PYGM: variants seen among roughly 807,000 people sequenced by gnomAD.
PYGM encodes the protein glycogen phosphorylase, muscle associated, also known as glycogen phosphorylase, muscle form.
Under a neutral mutation model 99.3 loss-of-function variants are expected in PYGM, and 81 were observed. That is an observed-to-expected ratio of 0.82 (90% CI 0.68 to 0.98). PYGM has a LOEUF of 0.98. PYGM is among the 50% of genes least tolerant of loss of function. The probability of loss-of-function intolerance (pLI) is 0.00; values close to 1 mark genes in which losing one functional copy is unlikely to be tolerated. For synonymous variants in PYGM, 436 were observed against 451.5 expected (o/e 0.97, Z 0.44); for missense variants, 1,030 against 1,158.1 (o/e 0.89, Z 1.61).
intron 4 of PYGM, 97 bp from the exon 5 acceptor site, chr11:64,758,007 C>T: frequency 6.5e-7 from 1 of 1,550,122 alleles, no homozygotes; most frequent in Non-Finnish European, 8.8e-7. Context: ...GCCGGTGTAC[C>T]CTACACCAAG....
At chr11:64,751,526 A>C in intron 15 of PYGM, 60 bp from the exon 16 acceptor site, 10 of 1,614,024 alleles carry the variant, frequency 6.2e-6, no homozygotes, top group Non-Finnish European at 8.5e-6. Context: ...CTATCCTGCA[A>C]CTCAGCTGGG....
chr11:64,757,901 C>T lies in PYGM; in HGVS notation c.538G>A (p.Ala180Thr). Reference sequence around the variant, plus strand: ...TTGCCGTAGCGAAGCCAGTCATCGGCCTCCTCCATCTGCACCCAAGGCAGG... The same window carrying T: ...TTGCCGTAGCGAAGCCAGTCATCGGTCTCCTCCATCTGCACCCAAGGCAGG... ...KISGGWQMEE[A>T]DDWLRYGNPW... The change falls in exon 5 of 20, where the codon GCC becomes ACC. Residue 180 changes from alanine (A) to threonine (T), a missense_variant. Ala to Thr is a moderately conservative substitution (Grantham distance 58). Transcript: ENST00000164139. The T allele has an allele frequency of 6.2e-7, 1 of 1,614,048 alleles. No homozygotes were observed. The highest frequency in any genetic ancestry group is 8.5e-7 in the Non-Finnish European group (1 of 1,180,036).
At position 64,754,633 on chromosome 11, in the gene PYGM, G is replaced by T; in HGVS notation, c.999+60C>A. On this transcript the variant is annotated intron_variant, in intron 8 of 19. Coordinates refer to ENST00000164139, the MANE Select transcript of PYGM (RefSeq NM_005609.4). The surrounding 1 kb of genome is among the most constrained non-coding windows in gnomAD (Gnocchi z 5.5). ...TACATGGGGCAGGCAGGCCGAGGCT[G>T]GAGGGAGAGGCCTAGCACACACTGT... 1 of 1,597,786 alleles carries T rather than the reference G, an allele frequency of 6.3e-7. No individual in the cohort carries two copies. The highest frequency in any genetic ancestry group is 1.1e-5 in the South Asian group (1 of 89,562).
chr11:64,752,637 C>G (rs1179562631), intron 12 of PYGM, 133 bp from the exon 13 acceptor site: 2 of 900,996 alleles, frequency 2.2e-6, no homozygotes, highest in South Asian at 2.8e-5. Context: ...AGCCCCTCCT[C>G]CTCCAGCCGC....
intron 12 of PYGM, 91 bp downstream of exon 12, chr11:64,752,982 C>G: frequency 8.4e-7 from 1 of 1,193,100 alleles, no homozygotes; most frequent in Non-Finnish European, 1.3e-6. Flanking sequence ...CAGCTGGGAG[C>G]CCTGATGCAG....
In PYGM at chr11:64,747,490, C is replaced by A. The variant is rs576324291; in HGVS notation, c.2178-132G>T. Reference sequence around the variant, plus strand: ...CTGCTGCTCCCCAGGGCTGCCACATCGCCCCTGCAGGGCCTCCCTGCAACT... The same window carrying A: ...CTGCTGCTCCCCAGGGCTGCCACATAGCCCCTGCAGGGCCTCCCTGCAACT... On this transcript the variant is annotated intron_variant, in intron 17 of 19. Coordinates refer to ENST00000164139, the MANE Select transcript of PYGM (RefSeq NM_005609.4). 18 of 1,229,384 alleles carry A rather than the reference C, an allele frequency of 1.5e-5. 1 individual carries two copies. The African/African-American group carries it at 1.8e-4, about 12-fold the overall frequency. The allele number at this position is 1,229,384 out of a possible 1,614,324, so 76.2% of individuals were successfully genotyped here.
Position 64,750,589 on chromosome 11 carries a change from G to A in PYGM, c.1970-6C>T. ...GAGGTCTGCAGCTGGGATCACTGTG[G>A]GGTGGCAGCAGGGGGACAAGTCAAC... On this transcript the variant is annotated splice_polypyrimidine_tract_variant and splice_region_variant and intron_variant, in intron 16 of 19. Coordinates refer to ENST00000164139, the MANE Select transcript of PYGM (RefSeq NM_005609.4). 1 of 1,613,690 alleles carries A rather than the reference G, an allele frequency of 6.2e-7. No individual in the cohort carries two copies. Among genetic ancestry groups the A allele is most frequent in the African/African-American group, 1.3e-5 (1 of 74,980 alleles).
chr11:64,758,153 C>G (rs546341870), intron 4 of PYGM, 93 bp downstream of exon 4: 5 of 1,455,024 alleles, frequency 3.4e-6, no homozygotes, highest in Middle Eastern at 4.4e-4. Flanking sequence ...ACAGAGCTTG[C>G]GGGGCTGTTT....
chr11:64,747,044 T>C lies in PYGM; in HGVS notation c.2313-57A>G, dbSNP rs2058316598. On this transcript the variant is annotated intron_variant, in intron 18 of 19. Transcript: ENST00000164139. ...CTTTAGGGGGCTAGGATAAGTTCTA[T>C]GAGGTCAAGGGCCAAGCCTGCCCTG... is the stretch of plus-strand genomic sequence containing the variant. 7 of 1,600,100 alleles carry C rather than the reference T, an allele frequency of 4.4e-6. No homozygotes were observed. In the Admixed American group the frequency reaches 8.3e-5, roughly 19 times the overall value.
Position 64,755,175 on chromosome 11 carries a change from G to GTGTGT in PYGM, c.855+97_855+98insACACA, listed in dbSNP as rs1415408795. On this transcript the variant is annotated intron_variant, in intron 7 of 19. Transcript: ENST00000164139. This position sits in a 1 kb window ranked among gnomAD's most constrained non-coding sequence, Gnocchi z 4.1. ...GCACAAGGCCAGCAATATGCCCTGG[G>GTGTGT]TGTGACTAGGGCACCAGCAAGTGTC... The GTGTGT allele has an allele frequency of 2.3e-5, 30 of 1,325,622 alleles. No individual in the cohort carries two copies. The highest frequency in any genetic ancestry group is 3.1e-5 in the Non-Finnish European group (29 of 924,262). 82.1% of individuals were successfully genotyped at this position (1,325,622 alleles called of 1,614,324 possible).
intron 17 of PYGM, 153 bp from the exon 18 acceptor site, chr11:64,747,511 CA>C: frequency 1.1e-6 from 1 of 870,296 alleles, no homozygotes; most frequent in Non-Finnish European, 1.8e-6. Flanking sequence ...GGCCTCCCTG[CA>C]ACTCCCCTTC....
At chr11:64,758,545 G>T (rs750976220) in intron 2 of PYGM, 30 bp from the exon 3 acceptor site, 3 of 1,613,922 alleles carry the variant, frequency 1.9e-6, no homozygotes, top group Middle Eastern at 1.6e-4. Flanking sequence ...AGTGGTCAGG[G>T]TCAAGTGTCA....
intron 17 of PYGM, among the ~76,000 whole-genome samples, chr11:64,750,080 C>A (rs1206718061): frequency 6.6e-6 from 1 of 152,248 alleles, no homozygotes; most frequent in South Asian, 2.1e-4. Context: ...GTGTGAGCCA[C>A]CGCACCCGGC....
chr11:64,753,315 G>T (rs2058369457), intron 11 of PYGM, 128 bp from the exon 12 acceptor site: 3 of 1,200,630 alleles, frequency 2.5e-6, no homozygotes, highest in South Asian at 1.2e-5. Flanking sequence ...GGGGAAGGTT[G>T]GGGGTGCTGT....
chr11:64,746,545 C>G lies in PYGM; in HGVS notation c.*114G>C. On this transcript the variant is annotated 3_prime_UTR_variant, in exon 20 of 20. Coordinates refer to ENST00000164139, the MANE Select transcript of PYGM (RefSeq NM_005609.4). Reference sequence around the variant, plus strand: ...ATTGAGAGTGGGGAAAATGAGGGTTCCAGGAGGGGCTTAGAGATCTAACTC... The same window carrying G: ...ATTGAGAGTGGGGAAAATGAGGGTTGCAGGAGGGGCTTAGAGATCTAACTC... The G allele has an allele frequency of 7.0e-7, 1 of 1,423,814 alleles. No individual in the cohort carries two copies. Among genetic ancestry groups the G allele is most frequent in the Non-Finnish European group, 9.8e-7 (1 of 1,022,010 alleles). The allele number at this position is 1,423,814 out of a possible 1,614,324, so 88.2% of individuals were successfully genotyped here.
rs1356459572 is a variant in PYGM, at chr11:64,753,558, C to T, written c.1364G>A (p.Gly455Asp). The stretch of plus-strand genomic sequence containing the variant: ...GATCTCGGAGTGGATGCGCGCCACG[C>T]CGTTGACGGCGTGCGACCCCGCGAT... ...LCIAGSHAVN[G>D]VARIHSEILK... The change falls in exon 11 of 20, where the codon GGC (glycine) becomes GAC (aspartate). Residue 455 changes from glycine to aspartate, a missense_variant. Transcript: ENST00000164139. 6.2e-7 allele frequency: 1 copy of T among 1,601,120 alleles called. No individual in the cohort carries two copies.
At position 64,746,978 on chromosome 11, in the gene PYGM, G is replaced by A. The variant is rs1045215677; in HGVS notation, c.2322C>T (p.Val774=). 9 of 1,614,062 alleles carry A rather than the reference G, an allele frequency of 5.6e-6. No homozygotes were observed. The highest frequency in any genetic ancestry group is 1.3e-5 in the African/African-American group (1 of 74,922). ...NMLMHHDRFK[V]FADYEDYIKC... ...TAATGTAGTCTTCATAATCTGCGAAGACTTTAAACCTGGAGGGGAAAGGAT... is the reference window on the plus strand; with the variant it reads ...TAATGTAGTCTTCATAATCTGCGAAAACTTTAAACCTGGAGGGGAAAGGAT... Residue 774 remains valine, a synonymous_variant, in exon 19 of 20, where the codon GTC becomes GTT. Coordinates refer to ENST00000164139, the MANE Select transcript of PYGM (RefSeq NM_005609.4).
Position 64,758,109 on chromosome 11 carries a change from G to C in PYGM, c.528+137C>G, listed in dbSNP as rs2058405812. The C allele has an allele frequency of 6.0e-5, 81 of 1,358,682 alleles. No homozygotes were observed. The South Asian group carries it at 9.0e-4, about 15-fold the overall frequency. 84.2% of individuals were successfully genotyped at this position (1,358,682 alleles called of 1,614,324 possible). ...GTTTCAGGGGCACCAGCTGGCTTTG[G>C]GTCGGGGGGTGGGGAGCAGCAAGGA... On this transcript the variant is annotated intron_variant, in intron 4 of 19. Coordinates refer to ENST00000164139, the MANE Select transcript of PYGM (RefSeq NM_005609.4).
chr11:64,754,486 G>C lies in PYGM; in HGVS notation c.1000-141C>G. Reference sequence around the variant, plus strand: ...GGGCAGAGGCAGGCCGGTGCTCATGGGGGTGGGAGGAATGGGGGGAGTGGG... The same window carrying C: ...GGGCAGAGGCAGGCCGGTGCTCATGCGGGTGGGAGGAATGGGGGGAGTGGG... On this transcript the variant is annotated intron_variant, in intron 8 of 19. Transcript: ENST00000164139. This position sits in a 1 kb window ranked among gnomAD's most constrained non-coding sequence, Gnocchi z 5.5. 2 of 971,304 alleles carry C rather than the reference G, an allele frequency of 2.1e-6. No individual in the cohort carries two copies. The highest frequency in any genetic ancestry group is 3.1e-6 in the Non-Finnish European group (2 of 643,594). The allele number at this position is 971,304 out of a possible 1,614,324, so 60.2% of individuals were successfully genotyped here.
Sources: allele counts gnomAD v4.1 joint callset (sites outside exome capture counted in the v4.1 genomes callset), GRCh38; gene constraint gnomAD v4.1.1; non-coding constraint Gnocchi (gnomAD v3.1); transcripts MANE v1.5; gene names NCBI Gene and HGNC (gene_info 2026-07-23, HGNC 2026-07-21).